Variants in CEP290 observed in about 807,000 individuals in gnomAD.
CEP290 encodes centrosomal protein 290.
In CEP290, 317 loss-of-function variants were observed where a neutral mutation model predicts 344.9. The ratio of observed to expected loss-of-function variants is 0.92; its 90% confidence interval spans 0.84 to 1.01. The LOEUF (loss-of-function observed/expected upper bound fraction) is 1.01, where lower values mean the gene tolerates loss of function less well. Among genes scored for constraint, CEP290 ranks in the 50% least tolerant of loss-of-function variants. The probability of loss-of-function intolerance (pLI) is 0.00; values close to 1 mark genes in which losing one functional copy is unlikely to be tolerated. For synonymous variants in CEP290, 932 were observed against 895.8 expected (o/e 1.04, Z -0.72); for missense variants, 2,754 against 2,761.4 (o/e 1.00, Z 0.06).
intron 26 of CEP290, 37 bp from the exon 27 acceptor site, chr12:88,097,036 G>T: frequency 9.5e-7 from 1 of 1,051,078 alleles, no homozygotes; most frequent in Non-Finnish European, 1.4e-6. Context: ...AAACTACATT[G>T]TAATTCAGAC....
intron 39 of CEP290, 54 bp from the exon 40 acceptor site, chr12:88,077,972 A>T (rs983148339): frequency 9.2e-6 from 7 of 764,734 alleles, no homozygotes; most frequent in South Asian, 4.1e-5. Flanking sequence ...AGTATCAATG[A>T]TAAAAGGAAC....
intron 26 of CEP290, among the ~76,000 whole-genome samples, chr12:88,100,621 CAA>C (rs2137495735): frequency 6.6e-6 from 1 of 152,210 alleles, no homozygotes; most frequent in Admixed American, 6.5e-5. Context: ...TTCCTTATAT[CAA>C]AAGACTTATA....
At chr12:88,125,712 G>A (rs1167947042) in intron 12 of CEP290, among the ~76,000 whole-genome samples, 2 of 151,750 alleles carry the variant, frequency 1.3e-5, no homozygotes. Context: ...GTTTTGCTCT[G>A]TGCTTTCTCT....
chr12:88,088,716 G>A (rs2137263309), intron 31 of CEP290, among the ~76,000 whole-genome samples: 1 of 152,238 alleles, frequency 6.6e-6, no homozygotes, highest in African/African-American at 2.4e-5. Flanking sequence ...AAAATTGGCT[G>A]GGCACAGTGG....
rs2471521 is a variant in CEP290, at chr12:88,126,651, C to T, written c.943-213G>A. Among the ~76,000 whole-genome samples, 134,035 of 152,042 alleles carry T rather than the reference C, an allele frequency of 0.88. 59,953 individuals are homozygous for T. Among genetic ancestry groups the T allele is most frequent in the East Asian group, 0.99 (5,125 of 5,186 alleles). On this transcript the variant is annotated intron_variant, in intron 11 of 53. Transcript: ENST00000552810. ...TAGAAAATGATTTTAAAATATATAC[C>T]GAATTTTCTTTTTTTATAATTCAAT...
At chr12:88,106,051 T>C (rs2038252107) in intron 25 of CEP290, among the ~76,000 whole-genome samples, 1 of 152,202 alleles carries the variant, frequency 6.6e-6, no homozygotes, top group Admixed American at 6.5e-5. Context: ...CCACCATACT[T>C]GGTCTGCTTG....
chr12:88,140,599 C>T (rs774771667), intron 3 of CEP290, among the ~76,000 whole-genome samples: 1 of 152,210 alleles, frequency 6.6e-6, no homozygotes, highest in Non-Finnish European at 1.5e-5. Flanking sequence ...TCTAACACTA[C>T]TCCTCAGTAT....
intron 6 of CEP290, among the ~76,000 whole-genome samples, chr12:88,134,416 C>A (rs2040243622): frequency 1.3e-5 from 2 of 152,170 alleles, no homozygotes; most frequent in South Asian, 4.1e-4. Flanking sequence ...AATCCACTCT[C>A]TACAAAGTAC....
intron 5 of CEP290, among the ~76,000 whole-genome samples, chr12:88,137,156 T>G (rs1016910868): frequency 2.6e-5 from 4 of 152,108 alleles, no homozygotes; most frequent in Non-Finnish European, 1.5e-5. Context: ...CTGAGTGCCT[T>G]AACCTGCCCT....
intron 12 of CEP290, among the ~76,000 whole-genome samples, chr12:88,125,748 T>G (rs186382481): frequency 2.6e-5 from 4 of 152,186 alleles, no homozygotes; most frequent in African/African-American, 7.2e-5. Context: ...TTTTTCCCCT[T>G]TCGTACTTTA....
At chr12:88,064,563 CAA>C (rs1219958834) in intron 44 of CEP290, among the ~76,000 whole-genome samples, 1 of 151,998 alleles carries the variant, frequency 6.6e-6, no homozygotes, top group African/African-American at 2.4e-5. Flanking sequence ...CAGAGGTATT[CAA>C]GTTAAAATGA....
chr12:88,128,827 T>A (rs1009800199), intron 11 of CEP290, 119 bp downstream of exon 11: 1 of 561,192 alleles, frequency 1.8e-6, no homozygotes, highest in African/African-American at 2.0e-5. Context: ...TAAACTTATG[T>A]TTAAAAACCC....
chr12:88,111,249 C>G lies in CEP290; in HGVS notation c.2320G>C (p.Ala774Pro), dbSNP rs777365811. The G allele has an allele frequency of 1.2e-5, 18 of 1,500,824 alleles. No homozygotes were observed. The highest frequency in any genetic ancestry group is 1.8e-4 in the Middle Eastern group (1 of 5,548). 93.0% of individuals were successfully genotyped at this position (1,500,824 alleles called of 1,614,324 possible). A position where few individuals can be genotyped will look rare whatever the true frequency, so the allele number is the denominator to read the frequency against. Residue 774 changes from alanine to proline, a missense_variant, in exon 22 of 54, where the codon GCC (alanine) becomes CCC (proline). Ala to Pro is a conservative substitution (Grantham distance 27). Coordinates refer to ENST00000552810, the MANE Select transcript of CEP290 (RefSeq NM_025114.4). ...TCATTCTGAGAATTAATGATACTGG[C>G]ACTAGATGGTGCTATCCCATCAGGT... ...DLPDGIAPSS[A>P]SIINSQNEYL...
At chr12:88,053,383 A>C (rs971337781) in intron 52 of CEP290, among the ~76,000 whole-genome samples, 9 of 152,156 alleles carry the variant, frequency 5.9e-5, no homozygotes, top group African/African-American at 2.2e-4. Flanking sequence ...ATTGCTTAGC[A>C]CTGTATTGTG....
intron 44 of CEP290, among the ~76,000 whole-genome samples, chr12:88,064,713 G>C (rs1174251077): frequency 6.6e-6 from 1 of 152,134 alleles, no homozygotes; most frequent in African/African-American, 2.4e-5. Context: ...ATAAGCCAAG[G>C]AGAGAGGATT....
In CEP290 at chr12:88,120,217, T is replaced by C. The variant is rs2137903473; in HGVS notation, c.1419A>G (p.Lys473=). The change falls in exon 15 of 54, where the codon AAA becomes AAG. Residue 473 remains lysine, a synonymous_variant. Transcript: ENST00000552810. ...ATATTTCAATCTCTCGATCTCTTAT[T>C]TTAATTTGGTTTTTACAATTCTTTA... The part of the protein sequence containing the change: ...VEIKNCKNQI[K]IRDREIEILT... 1 of 1,513,234 alleles carries C rather than the reference T, an allele frequency of 6.6e-7. No individual in the cohort carries two copies. The highest frequency in any genetic ancestry group is 1.3e-5 in the South Asian group (1 of 76,350). 93.7% of individuals were successfully genotyped at this position (1,513,234 alleles called of 1,614,324 possible).
At chr12:88,072,389 C>G (rs1049953598) in intron 41 of CEP290, among the ~76,000 whole-genome samples, 1 of 152,076 alleles carries the variant, frequency 6.6e-6, no homozygotes, top group Admixed American at 6.6e-5. Context: ...TATCTTGGAG[C>G]ATTTCAGATT....
In CEP290 at chr12:88,106,740, T is replaced by C. The variant is rs2038307941; in HGVS notation, c.2752A>G (p.Lys918Glu). ...RQLRKENEKQ[K>E]NELLSMEAEV... is the part of the protein sequence containing the mutation. Reference sequence around the variant, plus strand: ...GCCTCCATTGACAACAATTCATTCTTTTGCTTCTCATTTTCTTTTCTAAGT... The same window carrying C: ...GCCTCCATTGACAACAATTCATTCTCTTGCTTCTCATTTTCTTTTCTAAGT... The change falls in exon 25 of 54, where the codon AAG becomes GAG. Residue 918 changes from lysine to glutamate, a missense_variant. Physicochemically the swap from Lys to Glu is moderately conservative, Grantham distance 56. Transcript: ENST00000552810. The C allele has an allele frequency of 6.2e-7, 1 of 1,611,756 alleles. No homozygotes were observed. Among genetic ancestry groups the C allele is most frequent in the African/African-American group, 1.3e-5 (1 of 74,908 alleles).
At position 88,090,755 on chromosome 12, in the gene CEP290, G is replaced by T. The variant is rs760639256; in HGVS notation, c.3546C>A (p.Ser1182=). The change falls in exon 30 of 54, where the codon TCC becomes TCA. Residue 1182 remains serine (S), a synonymous_variant. Coordinates refer to ENST00000552810, the MANE Select transcript of CEP290 (RefSeq NM_025114.4). ...GATAGTCTAGCAGTTGCATTCTGAG[G>T]GACTCTACTTCCTTGTCCCTAGATT... is the stretch of plus-strand genomic sequence containing the variant. ...QQQSRDKEVE[S]LRMQLLDYQA... The T allele has an allele frequency of 1.3e-6, 2 of 1,560,484 alleles. No homozygotes were observed. The highest frequency in any genetic ancestry group is 8.7e-7 in the Non-Finnish European group (1 of 1,150,234).
Sources: gnomAD v4.1 joint callset for allele counts (sites outside exome capture counted in the v4.1 genomes callset) on GRCh38, gnomAD v4.1.1 for gene constraint, MANE v1.5 for transcripts, NCBI Gene and HGNC (gene_info 2026-07-23, HGNC 2026-07-21) for gene names.